Variants in CYB5R3 observed in about 807,000 individuals in gnomAD.
CYB5R3 encodes the protein NADH-cytochrome b5 reductase 3.
CYB5R3 carries 28 observed loss-of-function variants against 36.5 expected under a neutral mutation model. That is an observed-to-expected ratio of 0.77 (90% CI 0.57 to 1.05). The LOEUF (loss-of-function observed/expected upper bound fraction) is 1.05. Among genes scored for constraint, CYB5R3 ranks in the 50% least tolerant of loss-of-function variants. The pLI is 0.00. For missense variants in CYB5R3, 474 were observed against 408.9 expected (o/e 1.16, Z -1.37); for synonymous variants, 181 against 159.8 (o/e 1.13, Z -1.00).
intron 1 of CYB5R3, 61 bp from the exon 2 acceptor site, chr22:42,636,907 T>G: frequency 6.3e-7 from 1 of 1,587,116 alleles, no homozygotes; most frequent in South Asian, 1.1e-5. Context: ...ACACACCGGC[T>G]TGTCCACACT....
chr22:42,624,711 G>A (rs1928176266), intron 7 of CYB5R3, among the ~76,000 whole-genome samples: 1 of 151,842 alleles, frequency 6.6e-6, no homozygotes, highest in Non-Finnish European at 1.5e-5. Context: ...CTGACCTCAG[G>A]GAACTCAAAG....
rs764899974 is a variant in CYB5R3, at chr22:42,627,350, T to G, written c.587A>C (p.Lys196Thr). 33 of 1,613,854 alleles carry G rather than the reference T, an allele frequency of 2.0e-5. No individual in the cohort carries two copies. Among genetic ancestry groups the G allele is most frequent in the Non-Finnish European group, 2.8e-5 (33 of 1,179,998 alleles). ...PMLQVIRAIMKDPDDHTVCHL... is the reference protein window; with the variant it reads ...PMLQVIRAIMTDPDDHTVCHL... The stretch of plus-strand genomic sequence containing the variant: ...GCACACAGTGTGGTCATCAGGGTCC[T>G]TCATGATGGCGCGGATCACCTGCAG... The change falls in exon 7 of 9, where the codon AAG (lysine) becomes ACG (threonine). Residue 196 changes from lysine to threonine, a missense_variant. Transcript: ENST00000352397.
chr22:42,628,197 T>C lies in CYB5R3; in HGVS notation c.418A>G (p.Ile140Val), dbSNP rs1261379287. The change falls in exon 5 of 9, where the codon ATT becomes GTT. Residue 140 changes from isoleucine (I) to valine (V), a missense_variant. Coordinates refer to ENST00000352397, the MANE Select transcript of CYB5R3 (RefSeq NM_000398.7). ...AGCCCACTGGGGCCCCGGAACTCAA[T>C]GGTGTCTCCAATCTGCATGCTCTCC... ...YLESMQIGDT[I>V]EFRGPSGLLV... The C allele has an allele frequency of 3.1e-6, 5 of 1,613,918 alleles. No homozygotes were observed. The highest frequency in any genetic ancestry group is 2.7e-5 in the African/African-American group (2 of 74,894).
intron 1 of CYB5R3, among the ~76,000 whole-genome samples, chr22:42,637,286 A>T (rs1334072804): frequency 2.6e-5 from 4 of 152,184 alleles, no homozygotes; most frequent in African/African-American, 7.2e-5. Flanking sequence ...AGCTTGATTT[A>T]GACAAACAGA....
At chr22:42,642,296 T>C (rs1416195612) in intron 1 of CYB5R3, among the ~76,000 whole-genome samples, 1 of 152,042 alleles carries the variant, frequency 6.6e-6, no homozygotes, top group African/African-American at 2.4e-5. Context: ...GTATTTTTTG[T>C]AGAGATGCGG....
intron 1 of CYB5R3, among the ~76,000 whole-genome samples, chr22:42,641,106 C>T (rs949242608): frequency 6.6e-5 from 10 of 152,168 alleles, no homozygotes; most frequent in African/African-American, 2.2e-4. Flanking sequence ...CCTCCTGCCT[C>T]GGCCTCCCAA....
rs1927715931 is a variant in CYB5R3 at position 42,618,003 on chromosome 22, A to T, written c.*1770T>A. 1.3e-5 allele frequency: 2 copies of T among 152,220 alleles called. No homozygotes were observed. The highest frequency in any genetic ancestry group is 4.8e-5 in the African/African-American group (2 of 41,356). 9.4% of individuals were successfully genotyped at this position (152,220 alleles called of 1,614,324 possible). ...GGCCTTCCTGCTGCCCCGTTTTAAG[A>T]ACAGCCCCACACCCACCTTGCCTCA... is the stretch of plus-strand genomic sequence containing the variant. On this transcript the variant is annotated 3_prime_UTR_variant, in exon 9 of 9. Coordinates refer to ENST00000352397, the MANE Select transcript of CYB5R3 (RefSeq NM_000398.7).
chr22:42,629,250 G>A (rs1928480608), intron 4 of CYB5R3, among the ~76,000 whole-genome samples: 1 of 152,124 alleles, frequency 6.6e-6, no homozygotes, highest in African/African-American at 2.4e-5. Context: ...TGGCCCCACT[G>A]ACCTCTCCCA....
At chr22:42,646,221 TCACACACA>T (rs1929530342) in intron 1 of CYB5R3, among the ~76,000 whole-genome samples, 1 of 151,770 alleles carries the variant, frequency 6.6e-6, no homozygotes. Context: ...ACACACACAC[TCACACACA>T]CAGACCACCT....
intron 3 of CYB5R3, 51 bp from the exon 4 acceptor site, chr22:42,631,039 C>A (rs1928589275): frequency 6.6e-7 from 1 of 1,525,638 alleles, no homozygotes; most frequent in South Asian, 1.1e-5. Flanking sequence ...CTGCGGGTGA[C>A]CCCTGGGTCT....
At chr22:42,647,770 C>T (rs952728321) in intron 1 of CYB5R3, among the ~76,000 whole-genome samples, 12 of 151,662 alleles carry the variant, frequency 7.9e-5, no homozygotes, top group African/African-American at 2.9e-4. Context: ...ACTCAGGACA[C>T]TGAGGTAGAA....
intron 8 of CYB5R3, among the ~76,000 whole-genome samples, chr22:42,623,193 C>A (rs1035972290): frequency 6.6e-6 from 1 of 152,162 alleles, no homozygotes; most frequent in Non-Finnish European, 1.5e-5. Context: ...TATCTGAAGC[C>A]GAAAAGGGAA....
At chr22:42,644,873 C>G (rs910643116) in intron 1 of CYB5R3, among the ~76,000 whole-genome samples, 1 of 152,188 alleles carries the variant, frequency 6.6e-6, no homozygotes. Flanking sequence ...CCGCGGGCAG[C>G]TGGCTTCACG....
intron 1 of CYB5R3, among the ~76,000 whole-genome samples, chr22:42,638,542 GAAAAAA>G (rs1214704850): frequency 9.9e-6 from 1 of 100,536 alleles, no homozygotes. Flanking sequence ...TGTCTCTGTT[GAAAAAA>G]AAAAAAAAAA....
Position 42,627,680 on chromosome 22 carries a change from C to T in CYB5R3, c.472G>A (p.Ala158Thr), listed in dbSNP as rs75478217. ...LLVYQGKGKFAIRPDKKSNPI... is the reference protein window; with the variant it reads ...LLVYQGKGKFTIRPDKKSNPI... ...TTGGACTTTTTGTCAGGTCGGATGG[C>T]GAACTTCCCTGGGGAGAGAGAAGGG... Residue 158 changes from alanine (A) to threonine (T), a missense_variant, in exon 6 of 9, where the codon GCC becomes ACC. Physicochemically the swap from Ala to Thr is moderately conservative, Grantham distance 58 (BLOSUM62 0). Transcript: ENST00000352397. The T allele has an allele frequency of 2.9e-4, 471 of 1,613,198 alleles. No individual in the cohort carries two copies. The highest frequency in any genetic ancestry group is 3.4e-4 in the Non-Finnish European group (403 of 1,179,178).
chr22:42,629,790 G>A (rs1928512793), intron 4 of CYB5R3, among the ~76,000 whole-genome samples: 1 of 152,108 alleles, frequency 6.6e-6, no homozygotes, highest in South Asian at 2.1e-4. Context: ...CCTCTGTTCT[G>A]CAGGAAAGCT....
Position 42,617,853 on chromosome 22 carries a change from G to C in CYB5R3, c.*1920C>G, listed in dbSNP as rs528033128. On this transcript the variant is annotated 3_prime_UTR_variant, in exon 9 of 9. Transcript: ENST00000352397. ...TATCTTCTTCGATCTGTTTCTGAAA[G>C]TTTATTCCACAAGCTGGTTCCAACG... 5 of 152,352 alleles carry C rather than the reference G, an allele frequency of 3.3e-5. No homozygotes were observed. Among genetic ancestry groups the C allele is most frequent in the Non-Finnish European group, 5.9e-5 (4 of 68,110 alleles). 9.4% of individuals were successfully genotyped at this position (152,352 alleles called of 1,614,324 possible).
Position 42,619,835 on chromosome 22 carries a change from A to G in CYB5R3, c.844T>C (p.Tyr282His). The G allele has an allele frequency of 1.2e-6, 2 of 1,604,370 alleles. No homozygotes were observed. Among genetic ancestry groups the G allele is most frequent in the Non-Finnish European group, 1.7e-6 (2 of 1,176,660 alleles). Residue 282 changes from tyrosine to histidine, a missense_variant, in exon 9 of 9, where the codon TAC becomes CAC. Transcript: ENST00000352397. Reference protein sequence around the residue: ...LMCGPPPMIQYACLPNLDHVG... With the variant: ...LMCGPPPMIQHACLPNLDHVG... ...TGGTCCAGGTTGGGAAGGCAGGCGT[A>G]CTGGATCATGGGTGGGGGGCCACAC... is the stretch of plus-strand genomic sequence containing the variant.
At chr22:42,625,239 GC>G (rs1928200777) in intron 7 of CYB5R3, among the ~76,000 whole-genome samples, 2 of 152,150 alleles carry the variant, frequency 1.3e-5, no homozygotes, top group East Asian at 3.8e-4. Flanking sequence ...AGGCATGGTG[GC>G]TCATGCCTGT....
Sources: allele counts gnomAD v4.1 joint callset (sites outside exome capture counted in the v4.1 genomes callset), GRCh38; gene constraint gnomAD v4.1.1; transcripts MANE v1.5; gene names NCBI Gene and HGNC (gene_info 2026-07-23, HGNC 2026-07-21).